Variants in ZC4H2 observed in about 807,000 individuals in gnomAD.
The protein encoded by ZC4H2 is zinc finger C4H2 domain-containing protein.
For synonymous variants in ZC4H2, 84 were observed against 66.3 expected, an observed-to-expected ratio of 1.27 and a Z score of -1.30; for missense variants, 137 against 173.9, an observed-to-expected ratio of 0.79 and a Z score of 1.19.
At position 64,915,859 on chromosome X, in the gene ZC4H2, TC is replaced by T. The variant is rs1928896616; in HGVS notation, c.*1923del. The T allele has an allele frequency of 8.9e-6, 1 of 112,054 alleles. No individual in the cohort carries two copies. Among genetic ancestry groups the T allele is most frequent in the African/African-American group, 3.2e-5 (1 of 30,841 alleles). The allele number at this position is 112,054 out of a possible 1,213,427, so 9.2% of individuals were successfully genotyped here. ...GAGAGGTTTTATTTAGCTGTTGAAT[TC>T]CCTGACAAGCACAGAGACAGATTAG... On this transcript the variant is annotated 3_prime_UTR_variant, in exon 5 of 5. Transcript: ENST00000374839.
At chrX:64,937,296 A>G (rs1930059920) in intron 1 of ZC4H2, among the ~76,000 whole-genome samples, 1 of 111,314 alleles carries the variant, frequency 9.0e-6, no homozygotes, top group Non-Finnish European at 1.9e-5. Flanking sequence ...GCAAGTTCTT[A>G]GAGACCTGCA....
rs187072468 is a variant in ZC4H2 at position 64,921,714 on chromosome X, G to A, written c.225+103C>T. The A allele has an allele frequency of 7.9e-4, 720 of 908,179 alleles. 1 individual carries two copies. Among genetic ancestry groups the A allele is most frequent in the Non-Finnish European group, 1.0e-3 (671 of 662,768 alleles). The allele number at this position is 908,179 out of a possible 1,213,427, so 74.8% of individuals were successfully genotyped here. On this transcript the variant is annotated intron_variant, in intron 2 of 4. Coordinates refer to ENST00000374839, the MANE Select transcript of ZC4H2 (RefSeq NM_018684.4). ...TCTACCACAGCCTGCACTGATGCCT[G>A]CTCCCCGAGCTAGGCCTAAGCCACA...
intron 1 of ZC4H2, among the ~76,000 whole-genome samples, chrX:64,930,729 T>G (rs759304896): frequency 8.9e-6 from 1 of 112,063 alleles, no homozygotes; most frequent in East Asian, 2.8e-4. Flanking sequence ...TTGATCATGG[T>G]GTATTATCTT....
intron 1 of ZC4H2, among the ~76,000 whole-genome samples, chrX:64,995,996 G>A (rs1000332817): frequency 2.7e-5 from 3 of 111,437 alleles, no homozygotes; most frequent in Non-Finnish European, 5.6e-5. Context: ...GGCATTCAAA[G>A]TATCTGTATA....
intron 1 of ZC4H2, among the ~76,000 whole-genome samples, chrX:65,011,094 T>TA (rs1482522313): frequency 1.8e-5 from 2 of 111,542 alleles, no homozygotes; most frequent in African/African-American, 3.3e-5. Flanking sequence ...AAGGTTTAGA[T>TA]AAAAAATCAA....
In ZC4H2 at chrX:64,960,881, T is replaced by C. The variant is rs769732354; in HGVS notation, c.53+15444A>G. Among the ~76,000 whole-genome samples, 8 of 112,062 alleles carry C rather than the reference T, an allele frequency of 7.1e-5. No homozygotes were observed. In the Admixed American group the frequency reaches 7.6e-4, roughly 11 times the overall value. ...GTGCTAATTGTCTTAATGTGTTCTATCCTGGAGAATGTTCTGTGTACAGTT... is the reference window on the plus strand; with the variant it reads ...GTGCTAATTGTCTTAATGTGTTCTACCCTGGAGAATGTTCTGTGTACAGTT... On this transcript the variant is annotated intron_variant, in intron 1 of 4. Coordinates refer to ENST00000374839, the MANE Select transcript of ZC4H2 (RefSeq NM_018684.4).
At chrX:64,941,976 C>T (rs1930305203) in intron 1 of ZC4H2, among the ~76,000 whole-genome samples, 1 of 111,874 alleles carries the variant, frequency 8.9e-6, no homozygotes, top group Admixed American at 9.5e-5. Context: ...GTACCATCTC[C>T]TCTTTTTACC....
At chrX:64,930,278 T>C (rs781637706) in intron 1 of ZC4H2, among the ~76,000 whole-genome samples, 1 of 111,498 alleles carries the variant, frequency 9.0e-6, no homozygotes, top group East Asian at 2.8e-4. Context: ...GATTATTCTT[T>C]AGGGTATTCT....
At chrX:65,000,303 G>T (rs775283710) in intron 1 of ZC4H2, among the ~76,000 whole-genome samples, 1 of 111,891 alleles carries the variant, frequency 8.9e-6, no homozygotes, top group East Asian at 2.8e-4. Flanking sequence ...AGGCAAACAG[G>T]GTCTGGAGTG....
intron 1 of ZC4H2, among the ~76,000 whole-genome samples, chrX:64,936,110 G>A (rs1929999216): frequency 9.1e-6 from 1 of 109,386 alleles, no homozygotes; most frequent in Admixed American, 9.9e-5. Flanking sequence ...CATGGCACAA[G>A]AACTTCGTGA....
chrX:64,953,736 C>G (rs1602414765), intron 1 of ZC4H2, among the ~76,000 whole-genome samples: 1 of 111,670 alleles, frequency 9.0e-6, no homozygotes, highest in African/African-American at 3.3e-5. Context: ...TAAACTAGTT[C>G]AACCATTGCA....
chrX:64,998,887 A>G (rs1282566746), intron 1 of ZC4H2, among the ~76,000 whole-genome samples: 1 of 109,613 alleles, frequency 9.1e-6, no homozygotes, highest in African/African-American at 3.3e-5. Flanking sequence ...ATTTTTTTAA[A>G]TTGATTTTGT....
intron 1 of ZC4H2, among the ~76,000 whole-genome samples, chrX:64,969,551 T>A (rs1309452787): frequency 3.6e-5 from 4 of 112,095 alleles, no homozygotes; most frequent in Non-Finnish European, 7.5e-5. Flanking sequence ...ATTGTATAGG[T>A]ATAACTGGCC....
At chrX:64,987,049 T>G (rs1393871396) in intron 1 of ZC4H2, among the ~76,000 whole-genome samples, 1 of 105,065 alleles carries the variant, frequency 9.5e-6, no homozygotes, top group African/African-American at 3.5e-5. Flanking sequence ...TGCCTCAGCC[T>G]CCCGAGTAGC....
Position 64,916,126 on chromosome X carries a change from A to G in ZC4H2, c.*1657T>C, listed in dbSNP as rs1928907937. ...TCCTCTTACTAGCTGTTTAACTCTG[A>G]AAAAGCTTTTAAGTTTTTGGAGGTT... On this transcript the variant is annotated 3_prime_UTR_variant, in exon 5 of 5. Transcript: ENST00000374839. The G allele has an allele frequency of 8.9e-6, 1 of 112,260 alleles. No individual in the cohort carries two copies. Among genetic ancestry groups the G allele is most frequent in the Non-Finnish European group, 1.9e-5 (1 of 53,271 alleles). 9.3% of individuals were successfully genotyped at this position (112,260 alleles called of 1,213,427 possible).
chrX:64,917,910 C>T lies in ZC4H2; in HGVS notation c.562-14G>A. ...TGACAAGCAGGCCTGGTGAGGGACA[C>T]AGGAAAAAGAAAGTTAGTAGTCAGA... On this transcript the variant is annotated splice_polypyrimidine_tract_variant and intron_variant, in intron 4 of 4. Coordinates refer to ENST00000374839, the MANE Select transcript of ZC4H2 (RefSeq NM_018684.4). 1.0e-5 allele frequency: 12 copies of T among 1,197,785 alleles called. No homozygotes were observed. Among genetic ancestry groups the T allele is most frequent in the Non-Finnish European group, 1.4e-5 (12 of 888,703 alleles).
At chrX:64,923,235 T>C (rs1247259849) in intron 1 of ZC4H2, among the ~76,000 whole-genome samples, 1 of 111,618 alleles carries the variant, frequency 9.0e-6, no homozygotes, top group African/African-American at 3.3e-5. Context: ...TGTGACTAAA[T>C]AAGAAAAAGA....
chrX:64,998,884 T>A (rs962543983), intron 1 of ZC4H2, among the ~76,000 whole-genome samples: 5 of 110,211 alleles, frequency 4.5e-5, no homozygotes, highest in Non-Finnish European at 7.6e-5. Flanking sequence ...ATCATTTTTT[T>A]AAATTGATTT....
chrX:64,976,308 G>T lies in ZC4H2; in HGVS notation c.53+17C>A. ...AGGGTTGGAGAGGGGCGGGGAGGGG[G>T]ACAACGTGCCACTTACCTGATCTCT... On this transcript the variant is annotated intron_variant, in intron 1 of 4. Transcript: ENST00000374839. 1 of 1,209,521 alleles carries T rather than the reference G, an allele frequency of 8.3e-7. No homozygotes were observed. Among genetic ancestry groups the T allele is most frequent in the Non-Finnish European group, 1.1e-6 (1 of 893,526 alleles).
Sources: gnomAD v4.1 joint callset for allele counts (sites outside exome capture counted in the v4.1 genomes callset) on GRCh38, gnomAD v4.1.1 for gene constraint, MANE v1.5 for transcripts, NCBI Gene and HGNC (gene_info 2026-07-23, HGNC 2026-07-21) for gene names.